The following GABRB2 variants were observed in gnomAD, a reference collection of about 807,000 sequenced individuals.
GABRB2 encodes gamma-aminobutyric acid type A receptor subunit beta2, also known as gamma-aminobutyric acid receptor subunit beta-2.
Under a neutral mutation model 54.7 loss-of-function variants are expected in GABRB2, and 16 were observed. The ratio of observed to expected loss-of-function variants is 0.29; its 90% CI spans 0.20 to 0.44. GABRB2 has a LOEUF of 0.44. Ranked by LOEUF, GABRB2 falls within the 20% of genes least tolerant of loss-of-function variation. The pLI is 1.00. For synonymous variants in GABRB2, 244 were observed against 233.8 expected, an observed-to-expected ratio of 1.04 and a Z score of -0.40; for missense variants, 355 against 644.0, an observed-to-expected ratio of 0.55 and a Z score of 4.86.
intron 4 of GABRB2, among the ~76,000 whole-genome samples, chr5:161,412,686 A>G (rs1007975313): frequency 1.3e-5 from 2 of 151,934 alleles, no homozygotes; most frequent in Non-Finnish European, 1.5e-5. Flanking sequence ...TCCTCAATCA[A>G]TATCTTTCGG....
At chr5:161,463,588 T>TTC (rs1758192170) in intron 3 of GABRB2, among the ~76,000 whole-genome samples, 1 of 119,196 alleles carries the variant, frequency 8.4e-6, no homozygotes, top group Admixed American at 8.6e-5. Flanking sequence ...TATATATATA[T>TTC]ATATATATAT....
At chr5:161,463,108 A>G (rs1365689717) in intron 3 of GABRB2, among the ~76,000 whole-genome samples, 1 of 152,078 alleles carries the variant, frequency 6.6e-6, no homozygotes, top group Admixed American at 6.6e-5. Flanking sequence ...ACCAAACAAG[A>G]TAAAGTAAAC....
intron 3 of GABRB2, among the ~76,000 whole-genome samples, chr5:161,532,294 C>G (rs1188261115): frequency 6.6e-6 from 1 of 152,074 alleles, no homozygotes; most frequent in Non-Finnish European, 1.5e-5. Flanking sequence ...ATTACCCACT[C>G]AGTCAGTCCA....
At chr5:161,332,317 C>T (rs1363636137) in intron 7 of GABRB2, among the ~76,000 whole-genome samples, 2 of 151,964 alleles carry the variant, frequency 1.3e-5, no homozygotes, top group Admixed American at 6.5e-5. Flanking sequence ...TTATAAACAT[C>T]TGGGAATTTG....
In GABRB2 at chr5:161,504,767, G is replaced by A. The variant is rs1379476135; in HGVS notation, c.237+40460C>T. 3.5e-5 allele frequency among the ~76,000 whole-genome samples: 5 copies of A among 142,966 alleles called. No individual in the cohort carries two copies. The South Asian group carries it at 8.8e-4, about 25-fold the overall frequency. 93.8% of individuals were successfully genotyped at this position (142,966 alleles called of 152,430 possible). A position where few individuals can be genotyped will look rare whatever the true frequency, so the allele number is the denominator to read the frequency against. ...CTAATATCTGGAATTAAAAAAAAAA[G>A]GTATATCACCACAGATCCGAAAGGA... On this transcript the variant is annotated intron_variant, in intron 3 of 9. Coordinates refer to ENST00000393959, the MANE Select transcript of GABRB2 (RefSeq NM_001371727.1).
At chr5:161,483,618 A>G (rs1758831847) in intron 3 of GABRB2, among the ~76,000 whole-genome samples, 1 of 151,986 alleles carries the variant, frequency 6.6e-6, no homozygotes, top group Non-Finnish European at 1.5e-5. Context: ...TCTGGTTCAG[A>G]AAGGCCTACT....
chr5:161,336,722 T>C lies in GABRB2; in HGVS notation c.589A>G (p.Asn197Asp). 2 of 1,612,838 alleles carry C rather than the reference T, an allele frequency of 1.2e-6. No individual in the cohort carries two copies. The highest frequency in any genetic ancestry group is 1.7e-6 in the Non-Finnish European group (2 of 1,179,652). The change falls in exon 6 of 10, where the codon AAT becomes GAT. Residue 197 changes from asparagine (N) to aspartate (D), a missense_variant. Physicochemically the swap from Asn to Asp is conservative, Grantham distance 23. Around this residue, in one of 6 missense-constraint regions of GABRB2, gnomAD observed 30 missense variants for 33.7 expected, o/e 0.89. Transcript: ENST00000393959. ...ATTTTCGTTACTCCTGTTACTGCAT[T>C]ATCATCGCCACGCCAGTAAAACTCA... ...DIEFYWRGDD[N>D]AVTGVTKIEL...
At chr5:161,481,890 T>G (rs748029406) in intron 3 of GABRB2, among the ~76,000 whole-genome samples, 11 of 151,616 alleles carry the variant, frequency 7.3e-5, no homozygotes, top group Non-Finnish European at 1.5e-4. Context: ...CAGAAAGGAG[T>G]CAATGGTCAT....
intron 9 of GABRB2, among the ~76,000 whole-genome samples, chr5:161,298,427 G>T (rs1021705465): frequency 1.3e-5 from 2 of 152,170 alleles, no homozygotes; most frequent in African/African-American, 4.8e-5. Flanking sequence ...CACAAAATCT[G>T]TCTCACTCAT....
At chr5:161,429,813 G>A (rs1282238076) in intron 4 of GABRB2, among the ~76,000 whole-genome samples, 1 of 152,090 alleles carries the variant, frequency 6.6e-6, no homozygotes, top group Non-Finnish European at 1.5e-5. Flanking sequence ...AGTATGAGGA[G>A]TAGGTTCAAC....
At chr5:161,511,528 A>G (rs1759766981) in intron 3 of GABRB2, among the ~76,000 whole-genome samples, 1 of 152,036 alleles carries the variant, frequency 6.6e-6, no homozygotes, top group South Asian at 2.1e-4. Context: ...TACTATTTTT[A>G]CCATAGGTAT....
intron 3 of GABRB2, among the ~76,000 whole-genome samples, chr5:161,479,268 C>T (rs1478684913): frequency 2.6e-5 from 4 of 152,030 alleles, no homozygotes; most frequent in African/African-American, 4.8e-5. Flanking sequence ...ACACTGAATG[C>T]ACAAACAGGC....
At chr5:161,510,333 T>C (rs1038375580) in intron 3 of GABRB2, among the ~76,000 whole-genome samples, 6 of 151,404 alleles carry the variant, frequency 4.0e-5, no homozygotes, top group African/African-American at 1.5e-4. Flanking sequence ...TAGACCGCAC[T>C]AATAAGTGAG....
At position 161,330,884 on chromosome 5, in the gene GABRB2, T is replaced by C. The variant is rs767632173; in HGVS notation, c.1076A>G (p.Lys359Arg). The part of the protein sequence containing the change: ...NNEKMRLDVN[K>R]IFYKDIKQNG... The stretch of plus-strand genomic sequence containing the variant: ...GGAGGGCTTGCCCTCTGAATTTACC[T>C]TGTTGACATCCAGGCGCATCTTCTC... Residue 359 changes from lysine to arginine, a missense_variant and splice_region_variant, in exon 8 of 10, where the codon AAG becomes AGG. Transcript: ENST00000393959. 6.2e-7 allele frequency: 1 copy of C among 1,614,232 alleles called. No individual in the cohort carries two copies. The highest frequency in any genetic ancestry group is 8.5e-7 in the Non-Finnish European group (1 of 1,180,042).
intron 3 of GABRB2, among the ~76,000 whole-genome samples, chr5:161,515,584 G>A (rs1412494957): frequency 1.3e-5 from 2 of 151,962 alleles, no homozygotes; most frequent in Non-Finnish European, 2.9e-5. Context: ...TCCTTTAAAC[G>A]TCACTGAATT....
At chr5:161,507,719 A>G (rs1423265196) in intron 3 of GABRB2, among the ~76,000 whole-genome samples, 6 of 152,128 alleles carry the variant, frequency 3.9e-5, no homozygotes, top group Non-Finnish European at 7.4e-5. Flanking sequence ...ACAAAAGAAG[A>G]TATGCAAAGT....
chr5:161,422,270 A>C (rs1288694271), intron 4 of GABRB2, among the ~76,000 whole-genome samples: 1 of 152,144 alleles, frequency 6.6e-6, no homozygotes, highest in Non-Finnish European at 1.5e-5. Context: ...GGTAAGTACT[A>C]TATAGGTATA....
intron 7 of GABRB2, among the ~76,000 whole-genome samples, chr5:161,332,032 G>A (rs1430481736): frequency 6.6e-6 from 1 of 151,916 alleles, no homozygotes; most frequent in Non-Finnish European, 1.5e-5. Context: ...CGGGCGTGAT[G>A]GCGGGCGCCT....
intron 3 of GABRB2, among the ~76,000 whole-genome samples, chr5:161,508,757 G>A (rs1015744192): frequency 2.0e-5 from 3 of 151,982 alleles, no homozygotes; most frequent in Admixed American, 1.3e-4. Flanking sequence ...CATTTTGCCT[G>A]ACACCAATTC....
Sources: allele counts gnomAD v4.1 joint callset (sites outside exome capture counted in the v4.1 genomes callset), GRCh38; gene constraint gnomAD v4.1.1; regional missense constraint gnomAD v4.1.1; transcripts MANE v1.5; gene names NCBI Gene and HGNC (gene_info 2026-07-23, HGNC 2026-07-21).